The following DENND5A variants were observed in gnomAD, a reference collection of about 807,000 sequenced individuals.
DENND5A encodes the protein DENN domain containing 5A, also known as DENN domain-containing protein 5A.
A neutral mutation model predicts 140.3 loss-of-function variants in DENND5A; 64 were observed. The observed-to-expected ratio is 0.46, with a 90% confidence interval of 0.37 to 0.56. The LOEUF is 0.56. Ranked by LOEUF, DENND5A falls within the 20% of genes least tolerant of loss-of-function variation. The pLI is 0.00. For synonymous variants in DENND5A, 605 were observed against 607.7 expected (o/e 1.00, Z 0.07); for missense variants, 1,292 against 1,593.8 (o/e 0.81, Z 3.22).
Position 9,144,151 on chromosome 11 carries a change from G to A in DENND5A, c.3250C>T (p.Gln1084Ter), listed in dbSNP as rs1554909711. The change falls in exon 19 of 23, where the codon CAG (glutamine) becomes TAG (stop). Residue 1084 changes from glutamine (Q) to a stop codon, truncating the protein, a stop_gained. Coordinates refer to ENST00000328194, the MANE Select transcript of DENND5A (RefSeq NM_015213.4). LOFTEE classifies it high-confidence loss of function. Reference sequence around the variant, plus strand: ...AGCCTCCGGATGACACTGGGGGACTGCTGCAGCGGCGGGGTCCGGCATGGC... The same window carrying A: ...AGCCTCCGGATGACACTGGGGGACTACTGCAGCGGCGGGGTCCGGCATGGC... ...ERPCRTPPLQ[Q>*]SPSVIRRLVT... 1 of 1,614,166 alleles carries A rather than the reference G, an allele frequency of 6.2e-7. No homozygotes were observed. Among genetic ancestry groups the A allele is most frequent in the Non-Finnish European group, 8.5e-7 (1 of 1,180,026 alleles).
At chr11:9,243,347 G>C (rs926457616) in intron 1 of DENND5A, among the ~76,000 whole-genome samples, 1 of 152,116 alleles carries the variant, frequency 6.6e-6, no homozygotes, top group Non-Finnish European at 1.5e-5. Flanking sequence ...CAGATGTTGT[G>C]AGAAAATGGG....
intron 1 of DENND5A, among the ~76,000 whole-genome samples, chr11:9,226,540 T>C (rs993411738): frequency 1.3e-5 from 2 of 152,224 alleles, no homozygotes; most frequent in African/African-American, 4.8e-5. Flanking sequence ...TTATTTGGGA[T>C]TTCACATTTA....
chr11:9,153,988 G>T (rs12420175), intron 12 of DENND5A, among the ~76,000 whole-genome samples: 2,906 of 152,278 alleles, frequency 0.019, 72 homozygotes, highest in Admixed American at 0.06. Context: ...CTTGTTAAGT[G>T]ATAACTTTAT....
intron 3 of DENND5A, among the ~76,000 whole-genome samples, chr11:9,206,444 T>C (rs1170597661): frequency 1.3e-5 from 2 of 152,226 alleles, no homozygotes; most frequent in African/African-American, 4.8e-5. Context: ...CACAATACTA[T>C]GTATTTCTCT....
intron 4 of DENND5A, among the ~76,000 whole-genome samples, chr11:9,196,693 C>T (rs1355466570): frequency 6.6e-6 from 1 of 152,104 alleles, no homozygotes; most frequent in Non-Finnish European, 1.5e-5. Flanking sequence ...TCACTGCAAC[C>T]TCTGTCTCCT....
intron 21 of DENND5A, 44 bp downstream of exon 21, chr11:9,142,678 A>G: frequency 1.2e-6 from 2 of 1,612,144 alleles, no homozygotes; most frequent in Non-Finnish European, 1.7e-6. Context: ...GTCCCCTTAT[A>G]TCTCTACATG....
chr11:9,245,779 G>A (rs1017109752), intron 1 of DENND5A, among the ~76,000 whole-genome samples: 6 of 151,886 alleles, frequency 4.0e-5, no homozygotes, highest in Non-Finnish European at 8.8e-5. Context: ...GACTACAGGC[G>A]TGGACCACCA....
rs564288583 is a variant in DENND5A at position 9,244,620 on chromosome 11, C to T, written c.109+20341G>A. Among the ~76,000 whole-genome samples the T allele has an allele frequency of 5.3e-4, 81 of 152,274 alleles. 1 individual carries two copies. The highest frequency in any genetic ancestry group is 1.8e-3 in the African/African-American group (73 of 41,564). ...CTGACCTCGGGTGATCCGCCCGCTT[C>T]GGCCTCCCAAAGTGCTGGGATTACA... On this transcript the variant is annotated intron_variant, in intron 1 of 22. Coordinates refer to ENST00000328194, the MANE Select transcript of DENND5A (RefSeq NM_015213.4).
chr11:9,146,645 C>T (rs1238681714), intron 16 of DENND5A, among the ~76,000 whole-genome samples: 1 of 152,204 alleles, frequency 6.6e-6, no homozygotes, highest in Non-Finnish European at 1.5e-5. Context: ...TGGTTTGAAA[C>T]ATTCTGTGAT....
In DENND5A at chr11:9,250,931, C is replaced by T. The variant is rs189228637; in HGVS notation, c.109+14030G>A. On this transcript the variant is annotated intron_variant, in intron 1 of 22. Transcript: ENST00000328194. ...GGTGGGTCACCTAAGGTCAGGAGTTCGAGGCCAGCCCCGACCAACATGGTG... is the reference window on the plus strand; with the variant it reads ...GGTGGGTCACCTAAGGTCAGGAGTTTGAGGCCAGCCCCGACCAACATGGTG... Among the ~76,000 whole-genome samples, 26 of 151,972 alleles carry T rather than the reference C, an allele frequency of 1.7e-4. No individual in the cohort carries two copies. The East Asian group carries it at 4.8e-3, about 28-fold the overall frequency.
intron 10 of DENND5A, among the ~76,000 whole-genome samples, chr11:9,167,082 T>C (rs922605822): frequency 4.6e-5 from 7 of 152,162 alleles, no homozygotes; most frequent in African/African-American, 1.7e-4. Flanking sequence ...TTATTTTGTA[T>C]AATGTGCTGG....
At chr11:9,260,762 A>G (rs961141180) in intron 1 of DENND5A, among the ~76,000 whole-genome samples, 5 of 152,226 alleles carry the variant, frequency 3.3e-5, no homozygotes, top group Non-Finnish European at 7.3e-5. Context: ...AGTGACAGGA[A>G]GAGATTCCTA....
chr11:9,217,789 A>G (rs1850152368), intron 1 of DENND5A, among the ~76,000 whole-genome samples: 1 of 152,198 alleles, frequency 6.6e-6, no homozygotes, highest in African/African-American at 2.4e-5. Context: ...AGGACAAACA[A>G]CAAAAGAAAT....
intron 1 of DENND5A, among the ~76,000 whole-genome samples, chr11:9,218,450 T>G (rs1297967750): frequency 2.0e-5 from 3 of 152,108 alleles, no homozygotes; most frequent in Non-Finnish European, 4.4e-5. Context: ...GCTCAGCTCA[T>G]GCTTAGGCGG....
intron 6 of DENND5A, among the ~76,000 whole-genome samples, chr11:9,179,823 A>C (rs897583500): frequency 6.6e-6 from 1 of 152,146 alleles, no homozygotes; most frequent in Non-Finnish European, 1.5e-5. Context: ...AATCTCACCA[A>C]ATATTTCTGT....
At chr11:9,244,333 G>A (rs892751587) in intron 1 of DENND5A, among the ~76,000 whole-genome samples, 5 of 152,062 alleles carry the variant, frequency 3.3e-5, no homozygotes, top group Admixed American at 6.6e-5. Flanking sequence ...CCTTGTTAAT[G>A]GGATTAAGGC....
intron 11 of DENND5A, among the ~76,000 whole-genome samples, chr11:9,162,882 C>A (rs997920027): frequency 1.9e-5 from 2 of 103,796 alleles, no homozygotes; most frequent in East Asian, 2.7e-4. Context: ...TTTTTTTTTT[C>A]TTTAAGAAAC....
chr11:9,182,756 G>A (rs1848774006), intron 5 of DENND5A, among the ~76,000 whole-genome samples: 1 of 152,184 alleles, frequency 6.6e-6, no homozygotes, highest in Non-Finnish European at 1.5e-5. Flanking sequence ...CAGAGACTGG[G>A]AAGGGTGGCA....
At chr11:9,209,174 A>G (rs1172124368) in intron 1 of DENND5A, among the ~76,000 whole-genome samples, 1 of 152,232 alleles carries the variant, frequency 6.6e-6, no homozygotes, top group South Asian at 2.1e-4. Context: ...GAGAGGAATC[A>G]GGACAACTAT....
Sources: gnomAD v4.1 joint callset for allele counts (sites outside exome capture counted in the v4.1 genomes callset) on GRCh38, gnomAD v4.1.1 for gene constraint, MANE v1.5 for transcripts, NCBI Gene and HGNC (gene_info 2026-07-23, HGNC 2026-07-21) for gene names.